The following KCNH1 variants were observed in gnomAD, a reference collection of about 807,000 sequenced individuals.
The protein encoded by KCNH1 is voltage-gated delayed rectifier potassium channel KCNH1.
In KCNH1, 27 loss-of-function variants were observed where a neutral mutation model predicts 69.2. The ratio of observed to expected loss-of-function variants is 0.39; its 90% CI spans 0.29 to 0.54. The LOEUF is 0.54. Among genes scored for constraint, KCNH1 ranks in the 20% least tolerant of loss-of-function variants. The pLI, the probability that KCNH1 is intolerant of heterozygous loss-of-function variation, is 0.68. For synonymous variants in KCNH1, 456 were observed against 487.7 expected (o/e 0.93, Z 0.86); for missense variants, 798 against 1,261.6 (o/e 0.63, Z 5.57).
chr1:210,738,750 G>T (rs915542283), intron 10 of KCNH1, among the ~76,000 whole-genome samples: 1 of 151,178 alleles, frequency 6.6e-6, no homozygotes, highest in African/African-American at 2.4e-5. Context: ...GTATTTTTTT[G>T]TAAAATGATC....
intron 5 of KCNH1, among the ~76,000 whole-genome samples, chr1:211,030,755 A>T (rs4951492): frequency 0.76 from 115,644 of 152,036 alleles, 44,492 homozygotes; most frequent in East Asian, 0.89. Flanking sequence ...AACTGACAAG[A>T]TGGACTTCAT....
Position 210,681,130 on chromosome 1 carries a change from G to T in KCNH1, c.*2151C>A, listed in dbSNP as rs1464806735. ...GGCCTGCCCTGCCTTAAAAGTGGTG[G>T]GTCCTAAACTTCAGAAGCAGGTTGA... On this transcript the variant is annotated 3_prime_UTR_variant, in exon 11 of 11. Coordinates refer to ENST00000271751, the MANE Select transcript of KCNH1 (RefSeq NM_172362.3). 1 of 152,006 alleles carries T rather than the reference G, an allele frequency of 6.6e-6. No individual in the cohort carries two copies. Among genetic ancestry groups the T allele is most frequent in the East Asian group, 1.9e-4 (1 of 5,176 alleles). 9.4% of individuals were successfully genotyped at this position (152,006 alleles called of 1,614,324 possible). A position where few individuals can be genotyped will look rare whatever the true frequency, so the allele number is the denominator to read the frequency against.
chr1:210,938,250 T>C (rs1183391908), intron 6 of KCNH1, among the ~76,000 whole-genome samples: 1 of 152,234 alleles, frequency 6.6e-6, no homozygotes, highest in Non-Finnish European at 1.5e-5. Context: ...GGTATTCCAA[T>C]AGGTAATTTT....
chr1:210,944,906 C>T (rs1193870620), intron 6 of KCNH1, among the ~76,000 whole-genome samples: 1 of 152,190 alleles, frequency 6.6e-6, no homozygotes, highest in Non-Finnish European at 1.5e-5. Context: ...CCATTAAACA[C>T]TAATTTCACA....
intron 10 of KCNH1, among the ~76,000 whole-genome samples, chr1:210,763,889 CA>C (rs1683569479): frequency 6.6e-6 from 1 of 151,778 alleles, no homozygotes; most frequent in Non-Finnish European, 1.5e-5. Flanking sequence ...CATATGGAAC[CA>C]AAAAACAGCG....
At chr1:211,082,355 C>A (rs1290700530) in intron 5 of KCNH1, among the ~76,000 whole-genome samples, 5 of 152,128 alleles carry the variant, frequency 3.3e-5, no homozygotes, top group Non-Finnish European at 7.4e-5. Flanking sequence ...AATGCACACA[C>A]CAAAAAAATG....
intron 7 of KCNH1, among the ~76,000 whole-genome samples, chr1:210,883,814 G>C (rs1686545549): frequency 6.6e-6 from 1 of 152,198 alleles, no homozygotes; most frequent in African/African-American, 2.4e-5. Context: ...AAAAGAGACA[G>C]AATATCCATA....
chr1:210,827,213 G>A (rs1376560261), intron 7 of KCNH1, among the ~76,000 whole-genome samples: 1 of 152,104 alleles, frequency 6.6e-6, no homozygotes, highest in Non-Finnish European at 1.5e-5. Flanking sequence ...GCGGGTGCCT[G>A]TAATCCCAGC....
chr1:210,786,575 C>T (rs12404442), intron 9 of KCNH1, among the ~76,000 whole-genome samples: 26,404 of 152,052 alleles, frequency 0.17, 3,044 homozygotes, highest in Non-Finnish European at 0.26. Context: ...TCTCCCTCGT[C>T]TCCCTGGGTG....
chr1:210,768,387 T>G (rs550605739), intron 10 of KCNH1, among the ~76,000 whole-genome samples: 1 of 152,206 alleles, frequency 6.6e-6, no homozygotes, highest in South Asian at 2.1e-4. Flanking sequence ...GACTGCAGGA[T>G]CCACATTTTA....
chr1:210,779,641 T>A (rs1403050443), intron 9 of KCNH1, among the ~76,000 whole-genome samples: 1 of 152,208 alleles, frequency 6.6e-6, no homozygotes, highest in African/African-American at 2.4e-5. Flanking sequence ...ATTTATTTAT[T>A]ACACTGAGGC....
chr1:210,827,204 C>T (rs1371194231), intron 7 of KCNH1, among the ~76,000 whole-genome samples: 4 of 151,966 alleles, frequency 2.6e-5, no homozygotes, highest in East Asian at 1.9e-4. Context: ...GGCGTGGTGG[C>T]GGGTGCCTGT....
chr1:210,944,151 T>TA (rs1687919528), intron 6 of KCNH1, among the ~76,000 whole-genome samples: 1 of 152,246 alleles, frequency 6.6e-6, no homozygotes. Context: ...CCCCAACTCT[T>TA]ACCTGGATCA....
chr1:211,000,589 A>T (rs549076561), intron 6 of KCNH1, among the ~76,000 whole-genome samples: 3 of 152,312 alleles, frequency 2.0e-5, no homozygotes, highest in East Asian at 3.9e-4. Context: ...CATACTGCCC[A>T]AGGTAATTTA....
chr1:211,082,884 C>G lies in KCNH1; in HGVS notation c.454G>C (p.Ala152Pro), dbSNP rs2102467287. ...CTTGTCAGTGCTCTTGTCAGCCGAG[C>G]AAACTTCCCCCAGCCTGAAGCAAGT... Reference protein sequence around the residue: ...DDSCKGWGKFARLTRALTSSR... With the variant: ...DDSCKGWGKFPRLTRALTSSR... The change falls in exon 5 of 11, where the codon GCT becomes CCT. Residue 152 changes from alanine to proline, a missense_variant. Ala to Pro is a conservative substitution (Grantham distance 27). Transcript: ENST00000271751. The G allele has an allele frequency of 6.2e-7, 1 of 1,613,756 alleles. No individual in the cohort carries two copies. Among genetic ancestry groups the G allele is most frequent in the Non-Finnish European group, 8.5e-7 (1 of 1,179,806 alleles).
In KCNH1 at chr1:210,680,772, A is replaced by G. The variant is rs917919828; in HGVS notation, c.*2509T>C. Reference sequence around the variant, plus strand: ...GCACCCACACGTGCACCTGTGACCCAAGATGAACAGATTCCTGCCGCAGGA... The same window carrying G: ...GCACCCACACGTGCACCTGTGACCCGAGATGAACAGATTCCTGCCGCAGGA... On this transcript the variant is annotated 3_prime_UTR_variant, in exon 11 of 11. Coordinates refer to ENST00000271751, the MANE Select transcript of KCNH1 (RefSeq NM_172362.3). 2 of 152,228 alleles carry G rather than the reference A, an allele frequency of 1.3e-5. No individual in the cohort carries two copies. The highest frequency in any genetic ancestry group is 4.8e-5 in the African/African-American group (2 of 41,468). The allele number at this position is 152,228 out of a possible 1,614,324, so 9.4% of individuals were successfully genotyped here. A position where few individuals can be genotyped will look rare whatever the true frequency, so the allele number is the denominator to read the frequency against.
intron 10 of KCNH1, among the ~76,000 whole-genome samples, chr1:210,769,695 T>G (rs1683712477): frequency 6.6e-6 from 1 of 152,238 alleles, no homozygotes; most frequent in Non-Finnish European, 1.5e-5. Flanking sequence ...CAGTACATCA[T>G]TTAATTGTGG....
In KCNH1 at chr1:211,103,565, C is replaced by G. The variant is rs914370763; in HGVS notation, c.241G>C (p.Glu81Gln). 3.1e-6 allele frequency: 5 copies of G among 1,613,326 alleles called. No homozygotes were observed. The highest frequency in any genetic ancestry group is 4.2e-6 in the Non-Finnish European group (5 of 1,179,654). The change falls in exon 3 of 11, where the codon GAA (glutamate) becomes CAA (glutamine). Residue 81 changes from glutamate to glutamine, a missense_variant. By Grantham distance (29) the Glu-to-Gln change is conservative (BLOSUM62 2). This residue lies in a region of KCNH1 where 266 missense variants were observed against 457.2 expected (regional missense o/e 0.58). Transcript: ENST00000271751. ...YGELTDKDTI[E>Q]KVRQTFENYE... ...TTCTCAAATGTTTGCCGCACTTTTT[C>G]AATCGTGTCTTTATCAGTCAGCTCC...
rs542358068 is a variant in KCNH1 at position 210,970,378 on chromosome 1, C to T, written c.1032+48405G>A. ...GAACATGTGGTGTTTGTTTCCTGTT[C>T]GTGTTTAGTTTCCCATTCCTGTGTG... On this transcript the variant is annotated intron_variant, in intron 6 of 10. Transcript: ENST00000271751. Among the ~76,000 whole-genome samples the T allele has an allele frequency of 1.1e-4, 16 of 151,298 alleles. No individual in the cohort carries two copies. The East Asian group carries it at 2.7e-3, about 26-fold the overall frequency.
Sources: allele counts gnomAD v4.1 joint callset (sites outside exome capture counted in the v4.1 genomes callset), GRCh38; gene constraint gnomAD v4.1.1; regional missense constraint gnomAD v4.1.1; transcripts MANE v1.5; gene names NCBI Gene and HGNC (gene_info 2026-07-23, HGNC 2026-07-21).